Variants in FBLN2 observed in about 807,000 individuals in gnomAD.
FBLN2 encodes the protein fibulin 2.
FBLN2 carries 81 observed loss-of-function variants against 123.7 expected under a neutral mutation model. The ratio of observed to expected loss-of-function variants is 0.65; its 90% CI spans 0.55 to 0.79. FBLN2 has a LOEUF of 0.79. Among genes scored for constraint, FBLN2 ranks in the 30% least tolerant of loss-of-function variants. The pLI, the probability that FBLN2 is intolerant of heterozygous loss-of-function variation, is 0.00. For synonymous variants in FBLN2, 699 were observed against 701.4 expected (o/e 1.00, Z 0.05); for missense variants, 1,603 against 1,681.3 (o/e 0.95, Z 0.81).
chr3:13,592,867 G>T (rs890160036), intron 2 of FBLN2, among the ~76,000 whole-genome samples: 1 of 152,184 alleles, frequency 6.6e-6, no homozygotes, highest in South Asian at 2.1e-4. Context: ...CTCTGCTGAT[G>T]GGGGCCAGGT....
At chr3:13,631,180 G>A (rs1008531771) in intron 15 of FBLN2, 149 bp from the exon 16 acceptor site, 1 of 1,060,044 alleles carries the variant, frequency 9.4e-7, no homozygotes. Context: ...GTGGCCTTGG[G>A]CAACTCTCTT....
chr3:13,611,094 A>C (rs1021395872), intron 4 of FBLN2, among the ~76,000 whole-genome samples: 1 of 151,778 alleles, frequency 6.6e-6, no homozygotes, highest in Non-Finnish European at 1.5e-5. Context: ...TTTTTAGTAG[A>C]GCATACGCCA....
In FBLN2 at chr3:13,610,897, A is replaced by AATTATTATT. The variant is rs112793079; in HGVS notation, c.1548+1277_1548+1285dup. 1.6e-3 allele frequency among the ~76,000 whole-genome samples: 231 copies of AATTATTATT among 144,830 alleles called. 1 individual carries two copies. Among genetic ancestry groups the AATTATTATT allele is most frequent in the African/African-American group, 4.8e-3 (185 of 38,178 alleles). ...GGGGCAGGAGAGCCCCCTTGTTTTAAATTATTATTATTATTATTATTATTA... is the reference window on the plus strand; with the variant it reads ...GGGGCAGGAGAGCCCCCTTGTTTTAAATTATTATTATTATTATTATTATTATTATTATTA... On this transcript the variant is annotated intron_variant, in intron 4 of 17. Transcript: ENST00000404922.
chr3:13,608,714 G>A (rs575246895), intron 3 of FBLN2, among the ~76,000 whole-genome samples: 1 of 152,068 alleles, frequency 6.6e-6, no homozygotes, highest in South Asian at 2.1e-4. Flanking sequence ...TTGGTCAGCT[G>A]CTCATGCTTT....
intron 14 of FBLN2, among the ~76,000 whole-genome samples, chr3:13,630,153 A>G (rs1706207405): frequency 6.6e-6 from 1 of 152,054 alleles, no homozygotes; most frequent in Admixed American, 6.5e-5. Flanking sequence ...TCTGCCCTGA[A>G]TTCCCCTGCT....
At chr3:13,610,931 A>G (rs1705371316) in intron 4 of FBLN2, among the ~76,000 whole-genome samples, 1 of 150,170 alleles carries the variant, frequency 6.7e-6, no homozygotes, top group South Asian at 2.1e-4. Flanking sequence ...TATTATTTTG[A>G]GACAGAGTCT....
At chr3:13,584,679 G>A (rs1278220661) in intron 2 of FBLN2, among the ~76,000 whole-genome samples, 2 of 152,220 alleles carry the variant, frequency 1.3e-5, no homozygotes, top group Admixed American at 6.5e-5. Context: ...CAGGGCTGAC[G>A]GGTGGAAGGT....
intron 2 of FBLN2, among the ~76,000 whole-genome samples, chr3:13,572,688 C>T (rs1008290254): frequency 6.6e-6 from 1 of 152,262 alleles, no homozygotes; most frequent in Admixed American, 6.5e-5. Context: ...CCAGCACAGT[C>T]AGACACCCCA....
At chr3:13,587,069 C>T (rs879754069) in intron 2 of FBLN2, among the ~76,000 whole-genome samples, 7 of 148,310 alleles carry the variant, frequency 4.7e-5, no homozygotes, top group Non-Finnish European at 8.9e-5. Context: ...CGCTTGAGCC[C>T]GAGAGGCGGA....
In FBLN2 at chr3:13,571,492, C is replaced by T. The variant is rs1364790199; in HGVS notation, c.1137C>T (p.Asp379=). 1.2e-6 allele frequency: 2 copies of T among 1,613,498 alleles called. No individual in the cohort carries two copies. Among genetic ancestry groups the T allele is most frequent in the African/African-American group, 2.7e-5 (2 of 74,930 alleles). ...PTQAVPGSPR[D]PVKPSPHNIL... ...AGGCCGTGCCTGGCTCTCCCAGGGA[C>T]CCAGTCAAGCCCAGCCCCCACAACA... Residue 379 remains aspartate (D), a synonymous_variant, in exon 2 of 18, where the codon GAC becomes GAT. Coordinates refer to ENST00000404922, the MANE Select transcript of FBLN2 (RefSeq NM_001004019.2).
chr3:13,601,664 G>A (rs1036778588), intron 2 of FBLN2, among the ~76,000 whole-genome samples: 6 of 152,216 alleles, frequency 3.9e-5, no homozygotes, highest in African/African-American at 1.2e-4. Context: ...ATGTGCCAGG[G>A]GGCTGAGATA....
chr3:13,549,687 C>T (rs1246579356), intron 1 of FBLN2, among the ~76,000 whole-genome samples: 5 of 151,788 alleles, frequency 3.3e-5, no homozygotes, highest in African/African-American at 1.2e-4. Context: ...TCCATCACCC[C>T]CAAGTCACAC....
intron 16 of FBLN2, among the ~76,000 whole-genome samples, chr3:13,635,375 T>TAC (rs3836364): frequency 0.093 from 13,847 of 149,116 alleles, 1,389 homozygotes; most frequent in African/African-American, 0.24. Context: ...GCCTGTGGGT[T>TAC]ACACACACAC....
chr3:13,566,646 G>A (rs982236152), intron 1 of FBLN2: 4 of 152,252 alleles, frequency 2.6e-5, no homozygotes, highest in African/African-American at 9.7e-5. Context: ...ACAACCATCA[G>A]ACAGCACCAG....
intron 12 of FBLN2, 22 bp from the exon 13 acceptor site, chr3:13,629,142 G>A: frequency 1.9e-6 from 3 of 1,612,786 alleles, no homozygotes; most frequent in Middle Eastern, 1.7e-4. Context: ...AGGCCTCAAG[G>A]TACCCTGCTC....
Position 13,627,813 on chromosome 3 carries a change from C to T in FBLN2, c.2432-19C>T. On this transcript the variant is annotated intron_variant, in intron 10 of 17. Transcript: ENST00000404922. The stretch of plus-strand genomic sequence containing the variant: ...AGGACCTGCCCCCCAGCCCTTGACA[C>T]CCAGCCTCTCCGCTGCAGACGTGGA... The T allele has an allele frequency of 1.2e-6, 2 of 1,608,038 alleles. No homozygotes were observed. The highest frequency in any genetic ancestry group is 1.1e-5 in the South Asian group (1 of 90,126).
In FBLN2 at chr3:13,571,399, C is replaced by T. The variant is rs749753564; in HGVS notation, c.1044C>T (p.Ser348=). The T allele has an allele frequency of 1.9e-6, 3 of 1,613,006 alleles. No individual in the cohort carries two copies. Among genetic ancestry groups the T allele is most frequent in the Non-Finnish European group, 2.5e-6 (3 of 1,179,594 alleles). Reference sequence around the variant, plus strand: ...TCATCCTGGATGCCCAAGCCACGTCCCGCAGCACTGGGCCGGAGGGCGTGA... The same window carrying T: ...TCATCCTGGATGCCCAAGCCACGTCTCGCAGCACTGGGCCGGAGGGCGTGA... ...ENLILDAQAT[S]RSTGPEGVTH... is the part of the protein sequence containing the mutation. The change falls in exon 2 of 18, where the codon TCC becomes TCT. Residue 348 remains serine, a synonymous_variant. Transcript: ENST00000404922.
chr3:13,636,162 C>T lies in FBLN2; in HGVS notation c.3215-283C>T, dbSNP rs1706458075. ...GAAGGAGCTTAGAGAGGCCAGAGAG[C>T]CTTGCACTGTGTGGCTTGGCATCCA... is the stretch of plus-strand genomic sequence containing the variant. On this transcript the variant is annotated intron_variant, in intron 16 of 17. Coordinates refer to ENST00000404922, the MANE Select transcript of FBLN2 (RefSeq NM_001004019.2). Among the ~76,000 whole-genome samples the T allele has an allele frequency of 2.6e-5, 4 of 152,158 alleles. No homozygotes were observed. In the South Asian group the frequency reaches 8.3e-4, roughly 32 times the overall value.
chr3:13,619,965 C>T, intron 8 of FBLN2, 134 bp downstream of exon 8: 1 of 629,082 alleles, frequency 1.6e-6, no homozygotes. Flanking sequence ...ATGATGAGCA[C>T]CCCTAGTGGA....
Sources: allele counts gnomAD v4.1 joint callset (sites outside exome capture counted in the v4.1 genomes callset), GRCh38; gene constraint gnomAD v4.1.1; transcripts MANE v1.5; gene names NCBI Gene and HGNC (gene_info 2026-07-23, HGNC 2026-07-21).